The following ARHGAP15 variants were observed in gnomAD, a reference collection of about 807,000 sequenced individuals.
ARHGAP15 encodes Rho GTPase activating protein 15.
A neutral mutation model predicts 63.7 loss-of-function variants in ARHGAP15; 51 were observed. That is an observed-to-expected ratio of 0.80 (90% CI 0.64 to 1.01). The LOEUF (loss-of-function observed/expected upper bound fraction) is 1.01, where lower values mean the gene tolerates loss of function less well. Among genes scored for constraint, ARHGAP15 ranks in the 50% least tolerant of loss-of-function variants. ARHGAP15 has a pLI of 0.00. For missense variants in ARHGAP15, 560 were observed against 564.6 expected, an observed-to-expected ratio of 0.99 and a Z score of 0.08; for synonymous variants, 191 against 193.8, an observed-to-expected ratio of 0.99 and a Z score of 0.12.
chr2:143,672,320 A>G (rs555888188), intron 12 of ARHGAP15, among the ~76,000 whole-genome samples: 1 of 152,330 alleles, frequency 6.6e-6, no homozygotes, highest in Non-Finnish European at 1.5e-5. Context: ...AGTGGAACAT[A>G]AAAACACACA....
intron 10 of ARHGAP15, among the ~76,000 whole-genome samples, chr2:143,542,534 AT>A (rs910985193): frequency 2.0e-5 from 3 of 150,818 alleles, no homozygotes; most frequent in South Asian, 4.2e-4. Context: ...CAAAAGCAGG[AT>A]TTTTTAATGG....
intron 2 of ARHGAP15, among the ~76,000 whole-genome samples, chr2:143,169,819 A>T (rs1349762686): frequency 6.6e-6 from 1 of 151,642 alleles, no homozygotes; most frequent in African/African-American, 2.4e-5. Context: ...AGAGGTAGTA[A>T]TGCTTTTGTT....
chr2:143,423,024 G>T (rs1688993255), intron 6 of ARHGAP15, among the ~76,000 whole-genome samples: 1 of 152,128 alleles, frequency 6.6e-6, no homozygotes, highest in South Asian at 2.1e-4. Flanking sequence ...TCAAGGTGGA[G>T]CATCTAACAT....
chr2:143,350,625 C>T (rs1685516201), intron 6 of ARHGAP15, among the ~76,000 whole-genome samples: 2 of 149,696 alleles, frequency 1.3e-5, no homozygotes, highest in Admixed American at 6.7e-5. Flanking sequence ...CGAGACCATC[C>T]TGGCTAACAC....
intron 10 of ARHGAP15, among the ~76,000 whole-genome samples, chr2:143,553,753 G>A (rs759418240): frequency 2.0e-5 from 3 of 152,106 alleles, no homozygotes; most frequent in Non-Finnish European, 4.4e-5. Context: ...GAAAGACCAA[G>A]GAAAGCACTT....
At chr2:143,391,326 G>C (rs1355770886) in intron 6 of ARHGAP15, among the ~76,000 whole-genome samples, 1 of 152,060 alleles carries the variant, frequency 6.6e-6, no homozygotes, top group Non-Finnish European at 1.5e-5. Context: ...TAGTTTCTTG[G>C]GATAAATCAG....
At chr2:143,657,785 C>G (rs1008461230) in intron 12 of ARHGAP15, among the ~76,000 whole-genome samples, 6 of 152,196 alleles carry the variant, frequency 3.9e-5, no homozygotes, top group African/African-American at 1.4e-4. Flanking sequence ...GTCACAGTCT[C>G]TCCCCTCCTG....
At chr2:143,367,240 TATC>T (rs1686334273) in intron 6 of ARHGAP15, among the ~76,000 whole-genome samples, 1 of 152,050 alleles carries the variant, frequency 6.6e-6, no homozygotes, top group Admixed American at 6.6e-5. Context: ...AAATTAATTT[TATC>T]ATCACCTCTA....
At chr2:143,609,378 T>C (rs1183835158) in intron 11 of ARHGAP15, among the ~76,000 whole-genome samples, 2 of 152,190 alleles carry the variant, frequency 1.3e-5, no homozygotes, top group Non-Finnish European at 2.9e-5. Context: ...GAGTAGGCAC[T>C]CTAAGTAGGA....
At chr2:143,422,894 A>G (rs1200890711) in intron 6 of ARHGAP15, among the ~76,000 whole-genome samples, 3 of 152,152 alleles carry the variant, frequency 2.0e-5, no homozygotes, top group African/African-American at 4.8e-5. Context: ...ATACAGCTAC[A>G]GAAATGAGCT....
chr2:143,643,435 C>A (rs200865719), intron 12 of ARHGAP15, among the ~76,000 whole-genome samples: 32 of 131,758 alleles, frequency 2.4e-4, no homozygotes, highest in African/African-American at 8.5e-4. Context: ...CCACCCCCCC[C>A]CACCAAAAAA....
intron 13 of ARHGAP15, among the ~76,000 whole-genome samples, chr2:143,727,713 CAG>C (rs1685346929): frequency 6.6e-6 from 1 of 152,090 alleles, no homozygotes; most frequent in African/African-American, 2.4e-5. Flanking sequence ...GGTATGGAGA[CAG>C]AGTTCTTCTG....
intron 6 of ARHGAP15, among the ~76,000 whole-genome samples, chr2:143,355,523 T>G (rs1054866289): frequency 6.6e-6 from 1 of 152,186 alleles, no homozygotes; most frequent in African/African-American, 2.4e-5. Context: ...CTACAGCTAG[T>G]AATCTTGTCC....
chr2:143,500,834 G>A (rs757326162), intron 9 of ARHGAP15, among the ~76,000 whole-genome samples: 3 of 152,144 alleles, frequency 2.0e-5, no homozygotes, highest in Non-Finnish European at 4.4e-5. Context: ...GATATGTAGA[G>A]CAAAAGAGAG....
intron 6 of ARHGAP15, among the ~76,000 whole-genome samples, chr2:143,419,150 G>GA (rs35621298): frequency 0.88 from 133,336 of 150,678 alleles, 59,379 homozygotes; most frequent in Middle Eastern, 0.97. Flanking sequence ...GAAATTCTAA[G>GA]AAAAAAAAAC....
At chr2:143,492,888 C>T (rs922053161) in intron 9 of ARHGAP15, among the ~76,000 whole-genome samples, 2 of 144,198 alleles carry the variant, frequency 1.4e-5, no homozygotes, top group Non-Finnish European at 3.1e-5. Flanking sequence ...AACCCCGTCT[C>T]TTCTAAAAAA....
At chr2:143,130,494 T>G (rs528484430) in intron 1 of ARHGAP15, among the ~76,000 whole-genome samples, 65 of 152,276 alleles carry the variant, frequency 4.3e-4, no homozygotes, top group African/African-American at 1.5e-3. Context: ...CCACAACACC[T>G]ATTTTTTGTG....
chr2:143,398,438 T>C (rs1428570931), intron 6 of ARHGAP15, among the ~76,000 whole-genome samples: 1 of 152,068 alleles, frequency 6.6e-6, no homozygotes, highest in African/African-American at 2.4e-5. Context: ...CAGAAAACAC[T>C]GAGGCACACT....
intron 10 of ARHGAP15, among the ~76,000 whole-genome samples, chr2:143,538,592 G>T (rs1574600510): frequency 6.6e-6 from 1 of 152,118 alleles, no homozygotes; most frequent in South Asian, 2.1e-4. Flanking sequence ...AGCATGAAGG[G>T]TTGTTGAATT....
Sources: gnomAD v4.1 joint callset for allele counts (sites outside exome capture counted in the v4.1 genomes callset) on GRCh38, gnomAD v4.1.1 for gene constraint, MANE v1.5 for transcripts, NCBI Gene and HGNC (gene_info 2026-07-23, HGNC 2026-07-21) for gene names.